The following NMNAT2 variants were observed in gnomAD, a reference collection of about 807,000 sequenced individuals.
NMNAT2 encodes nicotinamide nucleotide adenylyltransferase 2.
Under a neutral mutation model 41.6 loss-of-function variants are expected in NMNAT2, and 11 were observed. That is an observed-to-expected ratio of 0.26 (90% confidence interval 0.17 to 0.44). The LOEUF is 0.44. Ranked by LOEUF, NMNAT2 falls within the 20% of genes least tolerant of loss-of-function variation. NMNAT2 has a pLI of 1.00. For synonymous variants in NMNAT2, 148 were observed against 151.2 expected (o/e 0.98, Z 0.16); for missense variants, 288 against 407.7 (o/e 0.71, Z 2.53).
At chr1:183,255,662 G>GGT (rs1660496604) in intron 10 of NMNAT2, among the ~76,000 whole-genome samples, 1 of 100,944 alleles carries the variant, frequency 9.9e-6, no homozygotes, top group East Asian at 2.7e-4. Context: ...ATTCCTAAGG[G>GGT]TTTTTTTTTT....
At chr1:183,291,164 A>C (rs1271844888) in intron 3 of NMNAT2, among the ~76,000 whole-genome samples, 1 of 152,108 alleles carries the variant, frequency 6.6e-6, no homozygotes, top group Non-Finnish European at 1.5e-5. Flanking sequence ...TGATCCGCCC[A>C]CTTCGGCCTC....
intron 1 of NMNAT2, among the ~76,000 whole-genome samples, chr1:183,365,114 G>T (rs769184117): frequency 2.0e-5 from 3 of 152,188 alleles, no homozygotes; most frequent in Non-Finnish European, 4.4e-5. Flanking sequence ...GAATCAGAGT[G>T]GGCAGTTTAT....
chr1:183,416,766 C>T (rs1188399543), intron 1 of NMNAT2, among the ~76,000 whole-genome samples: 1 of 152,142 alleles, frequency 6.6e-6, no homozygotes, highest in African/African-American at 2.4e-5. Context: ...CCCAGTTCAG[C>T]GCACCTTTTA....
intron 1 of NMNAT2, among the ~76,000 whole-genome samples, chr1:183,342,347 A>G (rs1450472248): frequency 6.6e-6 from 1 of 152,210 alleles, no homozygotes; most frequent in Non-Finnish European, 1.5e-5. Flanking sequence ...TTTCCAAAAA[A>G]TAACAAATTA....
At chr1:183,302,498 C>A (rs905423616) in intron 1 of NMNAT2, among the ~76,000 whole-genome samples, 1 of 152,154 alleles carries the variant, frequency 6.6e-6, no homozygotes, top group African/African-American at 2.4e-5. Context: ...CATCTGGGGA[C>A]TTGCTGACCC....
chr1:183,330,489 G>A (rs543731264), intron 1 of NMNAT2, among the ~76,000 whole-genome samples: 210 of 152,184 alleles, frequency 1.4e-3, no homozygotes, highest in African/African-American at 4.8e-3. Flanking sequence ...GCTTCACCAT[G>A]GTCCCTACCT....
chr1:183,292,812 C>T lies in NMNAT2; in HGVS notation c.220G>A (p.Val74Ile), dbSNP rs369826550. 71 of 1,614,008 alleles carry T rather than the reference C, an allele frequency of 4.4e-5. No homozygotes were observed. The highest frequency in any genetic ancestry group is 5.7e-5 in the Non-Finnish European group (67 of 1,179,974). ...RHRLIMCQLA[V>I]QNSDWIRVDP... ...TACCTGATCCAATCAGAATTCTGGA[C>T]GGCCAGCTGACACATGATGAGACGG... The change falls in exon 3 of 11, where the codon GTC becomes ATC. Residue 74 changes from valine (V) to isoleucine (I), a missense_variant. This residue lies in a region of NMNAT2 where 100 missense variants were observed against 168.5 expected (regional missense o/e 0.59). Coordinates refer to ENST00000287713, the MANE Select transcript of NMNAT2 (RefSeq NM_015039.4).
At chr1:183,340,737 T>C (rs1662780975) in intron 1 of NMNAT2, among the ~76,000 whole-genome samples, 1 of 152,134 alleles carries the variant, frequency 6.6e-6, no homozygotes. Context: ...CTCCCAGGCC[T>C]ACCAAGCTGG....
chr1:183,279,026 C>T lies in NMNAT2; in HGVS notation c.575-397G>A, dbSNP rs528614706. On this transcript the variant is annotated intron_variant, in intron 7 of 10. Transcript: ENST00000287713. ...TCTCTTGCTCCCTGTCAAGCTCAAA[C>T]GCCAACAGAGTTTGGATTCTCTGCT... 2.6e-5 allele frequency among the ~76,000 whole-genome samples: 4 copies of T among 152,294 alleles called. No individual in the cohort carries two copies. The South Asian group carries it at 6.2e-4, about 24-fold the overall frequency.
intron 10 of NMNAT2, among the ~76,000 whole-genome samples, chr1:183,256,802 T>C (rs528977658): frequency 2.6e-5 from 4 of 152,202 alleles, no homozygotes; most frequent in African/African-American, 7.2e-5. Context: ...CAGGCTGGAG[T>C]GCAGCAGCGC....
rs1177188336 is a variant in NMNAT2, at chr1:183,370,123, C to T, written c.85+48060G>A. Reference sequence around the variant, plus strand: ...TCAGAAGCAGAAGGGTGGCAAAGGGCTCCTCTGTCCAGGACCCAAGGGGGA... The same window carrying T: ...TCAGAAGCAGAAGGGTGGCAAAGGGTTCCTCTGTCCAGGACCCAAGGGGGA... On this transcript the variant is annotated intron_variant, in intron 1 of 10. Transcript: ENST00000287713. 2.0e-5 allele frequency among the ~76,000 whole-genome samples: 3 copies of T among 152,114 alleles called. No homozygotes were observed. The East Asian group carries it at 5.8e-4, about 29-fold the overall frequency.
chr1:183,332,597 A>G (rs1042921971), intron 1 of NMNAT2, among the ~76,000 whole-genome samples: 1 of 152,210 alleles, frequency 6.6e-6, no homozygotes, highest in African/African-American at 2.4e-5. Context: ...AGATGCAATC[A>G]GACAGTCACC....
intron 1 of NMNAT2, among the ~76,000 whole-genome samples, chr1:183,355,082 C>T (rs1663155058): frequency 2.0e-5 from 3 of 152,184 alleles, no homozygotes; most frequent in Non-Finnish European, 2.9e-5. Context: ...TGCACTGTAG[C>T]CATGCTGGTG....
chr1:183,312,441 C>T (rs146996514), intron 1 of NMNAT2, among the ~76,000 whole-genome samples: 5 of 151,980 alleles, frequency 3.3e-5, no homozygotes, highest in Admixed American at 1.3e-4. Context: ...TACAAAGAAC[C>T]CTCATATACC....
chr1:183,323,068 A>T (rs1477106958), intron 1 of NMNAT2, among the ~76,000 whole-genome samples: 1 of 152,110 alleles, frequency 6.6e-6, no homozygotes, highest in Non-Finnish European at 1.5e-5. Context: ...AATAGCTGGG[A>T]CTACAGGCAT....
intron 7 of NMNAT2, 129 bp from the exon 8 acceptor site, chr1:183,278,758 G>A (rs1188825783): frequency 2.9e-6 from 2 of 687,704 alleles, no homozygotes; most frequent in Non-Finnish European, 2.7e-6. Flanking sequence ...AGTTATCCCA[G>A]GTGCCTCTGC....
intron 5 of NMNAT2, 98 bp from the exon 6 acceptor site, chr1:183,284,888 G>A: frequency 1.1e-6 from 1 of 951,994 alleles, no homozygotes; most frequent in Admixed American, 1.7e-5. Context: ...GTAAACATCA[G>A]GGTGCATGGA....
At position 183,325,799 on chromosome 1, in the gene NMNAT2, C is replaced by T. The variant is rs552411723; in HGVS notation, c.86-32006G>A. Among the ~76,000 whole-genome samples the T allele has an allele frequency of 3.9e-5, 6 of 152,266 alleles. No individual in the cohort carries two copies. In the South Asian group the frequency reaches 1.0e-3, roughly 26 times the overall value. On this transcript the variant is annotated intron_variant, in intron 1 of 10. Transcript: ENST00000287713. The stretch of plus-strand genomic sequence containing the variant: ...TGTGTAATAAGGGTCAAACCTATTG[C>T]CCAGTACATAGTACAATTCGTTGCA...
chr1:183,333,571 G>C (rs1225130915), intron 1 of NMNAT2, among the ~76,000 whole-genome samples: 1 of 152,174 alleles, frequency 6.6e-6, no homozygotes, highest in African/African-American at 2.4e-5. Context: ...GGTGGAAATG[G>C]GCAGGAAACA....
Sources: gnomAD v4.1 joint callset for allele counts (sites outside exome capture counted in the v4.1 genomes callset) on GRCh38, gnomAD v4.1.1 for gene constraint, gnomAD v4.1.1 regional missense constraint, MANE v1.5 for transcripts, NCBI Gene and HGNC (gene_info 2026-07-23, HGNC 2026-07-21) for gene names.